MAGI1: variants seen among roughly 807,000 people sequenced by gnomAD.
MAGI1 encodes membrane-associated guanylate kinase, WW and PDZ domain-containing protein 1.
A neutral mutation model predicts 139.9 loss-of-function variants in MAGI1; 58 were observed. The ratio of observed to expected loss-of-function variants is 0.41; its 90% CI spans 0.34 to 0.52. The LOEUF is 0.52. Among genes scored for constraint, MAGI1 ranks in the 20% least tolerant of loss-of-function variants. The pLI, the probability that MAGI1 is intolerant of heterozygous loss-of-function variation, is 0.12. For synonymous variants in MAGI1, 812 were observed against 737.9 expected, an observed-to-expected ratio of 1.10 and a Z score of -1.63; for missense variants, 1,874 against 1,901.6, an observed-to-expected ratio of 0.99 and a Z score of 0.27.
intron 2 of MAGI1, among the ~76,000 whole-genome samples, chr3:65,586,758 G>T (rs1470912159): frequency 6.6e-6 from 1 of 150,668 alleles, no homozygotes; most frequent in Non-Finnish European, 1.5e-5. Context: ...TTTCAAATTG[G>T]CAAGTAACAG....
intron 13 of MAGI1, among the ~76,000 whole-genome samples, chr3:65,394,640 T>A (rs757219487): frequency 4.6e-5 from 7 of 151,808 alleles, no homozygotes; most frequent in Non-Finnish European, 1.0e-4. Flanking sequence ...GCACTCTGGA[T>A]TTTTTAAAAC....
chr3:65,524,809 A>G (rs73128952), intron 2 of MAGI1, among the ~76,000 whole-genome samples: 1,612 of 152,258 alleles, frequency 0.011, 17 homozygotes, highest in Non-Finnish European at 0.015. Context: ...CTCAGCTCCA[A>G]GGGGCTCTCT....
chr3:65,639,433 G>A (rs1223020308), intron 1 of MAGI1, among the ~76,000 whole-genome samples: 1 of 152,076 alleles, frequency 6.6e-6, no homozygotes, highest in South Asian at 2.1e-4. Flanking sequence ...GGAGTCAGGG[G>A]GCCTGGATTT....
intron 1 of MAGI1, among the ~76,000 whole-genome samples, chr3:66,000,346 C>G (rs772098700): frequency 6.6e-6 from 1 of 152,056 alleles, no homozygotes; most frequent in Non-Finnish European, 1.5e-5. Context: ...TCCAATTGGG[C>G]TCAAGAAACC....
intron 16 of MAGI1, 99 bp from the exon 17 acceptor site, chr3:65,379,653 G>A (rs1559509468): frequency 3.3e-6 from 5 of 1,522,334 alleles, no homozygotes; most frequent in Admixed American, 1.9e-5. Context: ...AAATCAAAAC[G>A]TGAACCGAGG....
intron 1 of MAGI1, among the ~76,000 whole-genome samples, chr3:65,828,301 C>G (rs1268467959): frequency 1.3e-5 from 2 of 152,168 alleles, no homozygotes; most frequent in African/African-American, 4.8e-5. Flanking sequence ...ACATCACAGG[C>G]TAACTGTGGA....
chr3:65,913,777 T>G (rs1423568119), intron 1 of MAGI1, among the ~76,000 whole-genome samples: 3 of 152,092 alleles, frequency 2.0e-5, no homozygotes, highest in Non-Finnish European at 4.4e-5. Flanking sequence ...ACAGAGGAAA[T>G]ACAGGGAGGA....
In MAGI1 at chr3:65,449,819, A is replaced by C. The variant is rs575603284; in HGVS notation, c.1043-1762T>G. On this transcript the variant is annotated intron_variant, in intron 6 of 22. Coordinates refer to ENST00000402939, the MANE Select transcript of MAGI1 (RefSeq NM_001033057.2). The stretch of plus-strand genomic sequence containing the variant: ...CTCTACTTTTCCAGAACAGGAGACA[A>C]ATCCAAGGCTCACACAAATAAAACT... Among the ~76,000 whole-genome samples the C allele has an allele frequency of 7.2e-5, 11 of 152,232 alleles. No homozygotes were observed. The East Asian group carries it at 1.7e-3, about 24-fold the overall frequency.
chr3:65,420,176 A>C (rs139510076), intron 12 of MAGI1, among the ~76,000 whole-genome samples: 292 of 152,068 alleles, frequency 1.9e-3, no homozygotes, highest in African/African-American at 6.7e-3. Flanking sequence ...GTGAATCTGG[A>C]CCTCACACTG....
intron 1 of MAGI1, among the ~76,000 whole-genome samples, chr3:65,699,574 G>T (rs1224280905): frequency 6.8e-6 from 1 of 147,778 alleles, no homozygotes; most frequent in East Asian, 2.0e-4. Context: ...CATGTCCTTT[G>T]TAGGGACATG....
intron 1 of MAGI1, among the ~76,000 whole-genome samples, chr3:65,971,299 T>A (rs894089739): frequency 1.3e-5 from 2 of 152,238 alleles, no homozygotes; most frequent in Non-Finnish European, 2.9e-5. Context: ...GGGTCCAATG[T>A]AGAACTGTGC....
chr3:65,884,978 G>C (rs1021621452), intron 1 of MAGI1, among the ~76,000 whole-genome samples: 1 of 152,158 alleles, frequency 6.6e-6, no homozygotes, highest in Non-Finnish European at 1.5e-5. Context: ...ATATAAGGCT[G>C]TATGCACAAA....
chr3:65,593,779 A>T (rs575810842), intron 2 of MAGI1, among the ~76,000 whole-genome samples: 1 of 152,350 alleles, frequency 6.6e-6, no homozygotes, highest in South Asian at 2.1e-4. Context: ...AATACGGGAA[A>T]CATATTGATA....
intron 2 of MAGI1, among the ~76,000 whole-genome samples, chr3:65,606,184 C>T (rs2082728796): frequency 6.6e-6 from 1 of 152,138 alleles, no homozygotes; most frequent in South Asian, 2.1e-4. Context: ...CGGGTAGGAA[C>T]TTATCCAAGA....
At chr3:65,998,196 G>A (rs374143177) in intron 1 of MAGI1, among the ~76,000 whole-genome samples, 1 of 151,596 alleles carries the variant, frequency 6.6e-6, no homozygotes, top group African/African-American at 2.4e-5. Flanking sequence ...CAGCCTTCAT[G>A]GGAAGACTAT....
At chr3:65,963,648 G>T (rs1015717611) in intron 1 of MAGI1, among the ~76,000 whole-genome samples, 1 of 151,888 alleles carries the variant, frequency 6.6e-6, no homozygotes, top group Admixed American at 6.6e-5. Flanking sequence ...TAATGACAAT[G>T]TAATGTAGGA....
intron 1 of MAGI1, among the ~76,000 whole-genome samples, chr3:65,951,055 G>A (rs1401140642): frequency 6.7e-6 from 1 of 149,654 alleles, no homozygotes; most frequent in Non-Finnish European, 1.5e-5. Flanking sequence ...GAGGGAGGGA[G>A]GAAGGTGGGA....
At chr3:65,526,608 A>C (rs1429065825) in intron 2 of MAGI1, among the ~76,000 whole-genome samples, 2 of 152,218 alleles carry the variant, frequency 1.3e-5, no homozygotes, top group African/African-American at 2.4e-5. Flanking sequence ...CATACCTGCA[A>C]TTGCTTATAA....
At chr3:65,995,436 A>T (rs1242062196) in intron 1 of MAGI1, among the ~76,000 whole-genome samples, 1 of 152,204 alleles carries the variant, frequency 6.6e-6, no homozygotes, top group Non-Finnish European at 1.5e-5. Flanking sequence ...GCTCAAGTTA[A>T]TAAGAAATTT....
Sources: gnomAD v4.1 joint callset for allele counts (sites outside exome capture counted in the v4.1 genomes callset) on GRCh38, gnomAD v4.1.1 for gene constraint, MANE v1.5 for transcripts, NCBI Gene and HGNC (gene_info 2026-07-23, HGNC 2026-07-21) for gene names.